CHL1: variants seen among roughly 807,000 people sequenced by gnomAD.
CHL1 encodes the protein cell adhesion molecule L1 like.
A neutral mutation model predicts 141.9 loss-of-function variants in CHL1; 96 were observed. That is an observed-to-expected ratio of 0.68 (90% CI 0.57 to 0.80). The LOEUF is 0.80. Ranked by LOEUF, CHL1 falls within the 30% of genes least tolerant of loss-of-function variation. The pLI is 0.00. For missense variants in CHL1, 1,820 were observed against 1,457.2 expected, an observed-to-expected ratio of 1.25 and a Z score of -4.05; for synonymous variants, 613 against 502.2, an observed-to-expected ratio of 1.22 and a Z score of -2.95.
intron 15 of CHL1, among the ~76,000 whole-genome samples, chr3:369,522 A>G (rs1015573648): frequency 2.0e-5 from 3 of 152,244 alleles, no homozygotes; most frequent in Admixed American, 6.5e-5. Flanking sequence ...GGTTTTCTAA[A>G]TATAAAATCA....
intron 2 of CHL1, among the ~76,000 whole-genome samples, chr3:274,606 C>T (rs1045980525): frequency 3.3e-5 from 5 of 152,158 alleles, no homozygotes; most frequent in African/African-American, 1.2e-4. Context: ...CTCTAGTGAG[C>T]TGTAGGCTGA....
chr3:382,235 C>CGGCTGACCTGGGAAGCTGG lies in CHL1; in HGVS notation c.1934_1952dup (p.His654LeufsTer6). 1 of 1,613,694 alleles carries CGGCTGACCTGGGAAGCTGG rather than the reference C, an allele frequency of 6.2e-7. No individual in the cohort carries two copies. Among genetic ancestry groups the CGGCTGACCTGGGAAGCTGG allele is most frequent in the South Asian group, 1.1e-5 (1 of 91,056 alleles). ...GTCTGAAAGACAGAACAGGAGTGTT[C>CGGCTGACCTGGGAAGCTGG]GGCTGACCTGGGAAGCTGGAGCTGA... On this transcript the variant is annotated frameshift_variant, in exon 17 of 28. Coordinates refer to ENST00000256509, the MANE Select transcript of CHL1 (RefSeq NM_006614.4). LOFTEE classifies it high-confidence loss of function.
chr3:379,300 G>A (rs1706735811), intron 16 of CHL1, among the ~76,000 whole-genome samples: 1 of 152,172 alleles, frequency 6.6e-6, no homozygotes, highest in African/African-American at 2.4e-5. Flanking sequence ...TAAAAGAACA[G>A]TTTCCACTTA....
At chr3:346,076 G>A (rs1702746043) in intron 9 of CHL1, among the ~76,000 whole-genome samples, 1 of 152,094 alleles carries the variant, frequency 6.6e-6, no homozygotes, top group Non-Finnish European at 1.5e-5. Context: ...CTAGTTAGTG[G>A]ACTAGGATTT....
intron 1 of CHL1, among the ~76,000 whole-genome samples, chr3:242,727 A>G (rs1412695790): frequency 2.0e-5 from 3 of 152,062 alleles, no homozygotes; most frequent in Non-Finnish European, 4.4e-5. Flanking sequence ...ATTAGTAGCA[A>G]GGAACTTACA....
intron 15 of CHL1, among the ~76,000 whole-genome samples, chr3:373,257 C>T (rs1487728423): frequency 6.6e-6 from 1 of 152,234 alleles, no homozygotes; most frequent in African/African-American, 2.4e-5. Flanking sequence ...CCCCTAGGGG[C>T]TCAGGCCCAG....
At chr3:403,453 A>G (rs1709297977) in intron 27 of CHL1, among the ~76,000 whole-genome samples, 1 of 152,202 alleles carries the variant, frequency 6.6e-6, no homozygotes, top group Non-Finnish European at 1.5e-5. Flanking sequence ...AAGCTGAGGC[A>G]GGAGAATTTC....
chr3:396,868 T>A (rs1708718387), intron 24 of CHL1, among the ~76,000 whole-genome samples: 1 of 152,118 alleles, frequency 6.6e-6, no homozygotes, highest in Non-Finnish European at 1.5e-5. Context: ...AAATATATAT[T>A]TCCAATGAGG....
At chr3:268,933 A>G (rs3956142) in intron 2 of CHL1, among the ~76,000 whole-genome samples, 44,894 of 152,070 alleles carry the variant, frequency 0.3, 6,950 homozygotes, top group East Asian at 0.39. Flanking sequence ...TTCCCCAGTA[A>G]TTATGAATGT....
chr3:330,865 G>C (rs1039096620), intron 5 of CHL1, among the ~76,000 whole-genome samples: 1 of 151,936 alleles, frequency 6.6e-6, no homozygotes. Flanking sequence ...TTCTGTGCAG[G>C]GTTACACAAA....
intron 2 of CHL1, chr3:309,385 T>TTCC (rs1226765712): frequency 1.4e-5 from 2 of 141,030 alleles, no homozygotes; most frequent in Admixed American, 7.1e-5. Context: ...CCTTCCTTCC[T>TTCC]TCCTTCCTCC....
intron 2 of CHL1, among the ~76,000 whole-genome samples, chr3:267,421 A>G (rs1695252504): frequency 6.6e-6 from 1 of 152,138 alleles, no homozygotes; most frequent in South Asian, 2.1e-4. Context: ...ATTTTCCTCT[A>G]TTTTACATTT....
At chr3:306,831 T>C (rs184736899) in intron 2 of CHL1, among the ~76,000 whole-genome samples, 12 of 152,316 alleles carry the variant, frequency 7.9e-5, no homozygotes, top group African/African-American at 2.6e-4. Context: ...AATGTCATAT[T>C]CAAATGCTTA....
Position 261,950 on chromosome 3 carries a change from G to A in CHL1, c.-95+17258G>A, listed in dbSNP as rs1339504437. Among the ~76,000 whole-genome samples, 3 of 142,668 alleles carry A rather than the reference G, an allele frequency of 2.1e-5. 1 individual carries two copies. Among genetic ancestry groups the A allele is most frequent in the Non-Finnish European group, 3.1e-5 (2 of 65,366 alleles). 93.6% of individuals were successfully genotyped at this position (142,668 alleles called of 152,430 possible). A position where few individuals can be genotyped will look rare whatever the true frequency, so the allele number is the denominator to read the frequency against. ...AGCCCAGATCTACACAGTACTCACAGGGCAGGATTCACACGTTTAAGCCTA... is the reference window on the plus strand; with the variant it reads ...AGCCCAGATCTACACAGTACTCACAAGGCAGGATTCACACGTTTAAGCCTA... On this transcript the variant is annotated intron_variant, in intron 2 of 27. Coordinates refer to ENST00000256509, the MANE Select transcript of CHL1 (RefSeq NM_006614.4).
At chr3:204,145 A>G (rs1360562542) in intron 1 of CHL1, among the ~76,000 whole-genome samples, 1 of 152,196 alleles carries the variant, frequency 6.6e-6, no homozygotes, top group Non-Finnish European at 1.5e-5. Context: ...TCATTGCATT[A>G]TCTATGCTTT....
intron 3 of CHL1, among the ~76,000 whole-genome samples, chr3:323,040 T>A (rs1336139748): frequency 6.6e-6 from 1 of 152,048 alleles, no homozygotes; most frequent in East Asian, 1.9e-4. Flanking sequence ...CTGCTATGCG[T>A]CAAAGTATTA....
chr3:216,759 T>C (rs1300837452), intron 1 of CHL1, among the ~76,000 whole-genome samples: 2 of 152,234 alleles, frequency 1.3e-5, no homozygotes, highest in Non-Finnish European at 2.9e-5. Flanking sequence ...AACAGAAAAC[T>C]AGCATTTCTC....
intron 13 of CHL1, among the ~76,000 whole-genome samples, chr3:362,199 G>A (rs567913754): frequency 2.0e-5 from 3 of 152,284 alleles, no homozygotes; most frequent in East Asian, 1.9e-4. Context: ...CCAAATGCAT[G>A]TGCTTAAGAC....
intron 2 of CHL1, among the ~76,000 whole-genome samples, chr3:316,035 C>G (rs140502901): frequency 1.3e-5 from 2 of 151,864 alleles, no homozygotes; most frequent in Non-Finnish European, 2.9e-5. Context: ...TCAGGTGTGA[C>G]GTTTACATAG....
Sources: gnomAD v4.1 joint callset for allele counts (sites outside exome capture counted in the v4.1 genomes callset) on GRCh38, gnomAD v4.1.1 for gene constraint, MANE v1.5 for transcripts, NCBI Gene and HGNC (gene_info 2026-07-23, HGNC 2026-07-21) for gene names.